Variants in FAM200B observed in about 807,000 individuals in gnomAD.
The protein encoded by FAM200B is zinc finger BED-type containing 11.
FAM200B carries 32 observed loss-of-function variants against 33.1 expected under a neutral mutation model. That is an observed-to-expected ratio of 0.97 (90% CI 0.73 to 1.30). FAM200B has a LOEUF of 1.30. FAM200B is among the 50% of genes most tolerant of loss of function. The pLI, the probability that FAM200B is intolerant of heterozygous loss-of-function variation, is 0.00. For synonymous variants in FAM200B, 240 were observed against 264.8 expected (o/e 0.91, Z 0.91); for missense variants, 741 against 754.0 (o/e 0.98, Z 0.20).
In FAM200B at chr4:15,689,044, A is replaced by G. The variant is rs1719171224; in HGVS notation, c.*93A>G. Reference sequence around the variant, plus strand: ...TTAAATGGTACTATAATACTGTGATACTTTTGTTATGTTTTAATTTTTGTT... The same window carrying G: ...TTAAATGGTACTATAATACTGTGATGCTTTTGTTATGTTTTAATTTTTGTT... On this transcript the variant is annotated 3_prime_UTR_variant, in exon 2 of 2. Transcript: ENST00000422728. 5.4e-6 allele frequency: 5 copies of G among 923,366 alleles called. No individual in the cohort carries two copies. Among genetic ancestry groups the G allele is most frequent in the South Asian group, 4.6e-5 (1 of 21,976 alleles). 57.2% of individuals were successfully genotyped at this position (923,366 alleles called of 1,614,324 possible).
chr4:15,652,343 C>G, the FAM200B span, among the ~76,000 whole-genome samples: 2 of 152,180 alleles, frequency 1.3e-5, no homozygotes, highest in African/African-American at 4.8e-5. Flanking sequence ...GGGTTTCCAT[C>G]TGAATCTACC....
chr4:15,683,408 GAGTAAACCC>G (rs1718534444), intron 1 of FAM200B, among the ~76,000 whole-genome samples: 1 of 152,122 alleles, frequency 6.6e-6, no homozygotes, highest in East Asian at 1.9e-4. Flanking sequence ...TTAGGAGGGA[GAGTAAACCC>G]TTTAAAAATA....
the FAM200B span, among the ~76,000 whole-genome samples, chr4:15,653,772 T>TA: frequency 6.6e-6 from 1 of 152,222 alleles, no homozygotes. Flanking sequence ...CTTAATGGCT[T>TA]AACCATTCCT....
the FAM200B span, among the ~76,000 whole-genome samples, chr4:15,640,625 G>GT: frequency 3.0e-4 from 43 of 144,990 alleles, no homozygotes; most frequent in Admixed American, 4.1e-4. Flanking sequence ...CAAAACAAAC[G>GT]TTTTTTTTTT....
Position 15,687,943 on chromosome 4 carries a change from G to A in FAM200B, c.966G>A (p.Val322=). Residue 322 remains valine, a synonymous_variant, in exon 2 of 2, where the codon GTG becomes GTA. Coordinates refer to ENST00000422728, the MANE Select transcript of FAM200B (RefSeq NM_001145191.2). ...TAGAAGTTACTAATAATGGTGCTGT[G>A]TGGAATCATTGTTTTATACATCGTG... The part of the protein sequence containing the change: ...KLLEVTNNGA[V]WNHCFIHREG... 1.3e-6 allele frequency: 2 copies of A among 1,551,112 alleles called. No homozygotes were observed. Among genetic ancestry groups the A allele is most frequent in the South Asian group, 1.2e-5 (1 of 84,048 alleles).
At chr4:15,685,155 A>T (rs970162402) in intron 1 of FAM200B, among the ~76,000 whole-genome samples, 3 of 152,236 alleles carry the variant, frequency 2.0e-5, no homozygotes, top group Admixed American at 6.5e-5. Context: ...ATAGTGTTTT[A>T]AAATGTACCC....
the FAM200B span, chr4:15,656,419 G>C: frequency 1.5e-5 from 6 of 397,554 alleles, no homozygotes; most frequent in Non-Finnish European, 3.0e-5. Flanking sequence ...TTAATGGCCA[G>C]AACCTCCAGG....
the FAM200B span, among the ~76,000 whole-genome samples, chr4:15,638,294 G>C: frequency 6.6e-6 from 1 of 152,142 alleles, no homozygotes; most frequent in Non-Finnish European, 1.5e-5. Context: ...CACTGAATAT[G>C]TCCCAAGTAT....
chr4:15,655,302 C>G, the FAM200B span: 4 of 1,393,554 alleles, frequency 2.9e-6, no homozygotes, highest in Admixed American at 6.9e-5. Context: ...ACTGCCTCAG[C>G]CTCCGCCTCA....
chr4:15,674,350 A>G, the FAM200B span, among the ~76,000 whole-genome samples: 1 of 152,190 alleles, frequency 6.6e-6, no homozygotes, highest in Non-Finnish European at 1.5e-5. Flanking sequence ...ACAAAGAAAC[A>G]GAGTTAACAC....
chr4:15,661,603 AAAT>A, the FAM200B span, among the ~76,000 whole-genome samples: 1 of 152,220 alleles, frequency 6.6e-6, no homozygotes, highest in Non-Finnish European at 1.5e-5. Flanking sequence ...AGAAAATAGA[AAAT>A]AACAGTGCCT....
At position 15,687,864 on chromosome 4, in the gene FAM200B, G is replaced by C. The variant is rs1277019565; in HGVS notation, c.887G>C (p.Ser296Thr). ...TGGAAAAACTGTAAAGGAATTACAA[G>C]TGATGGCACAGCAACCATGACTGGA... is the stretch of plus-strand genomic sequence containing the variant. ...LNWKNCKGIT[S>T]DGTATMTGKH... Residue 296 changes from serine to threonine, a missense_variant, in exon 2 of 2, where the codon AGT becomes ACT. Physicochemically the swap from Ser to Thr is moderately conservative, Grantham distance 58. Transcript: ENST00000422728. The C allele has an allele frequency of 1.3e-6, 2 of 1,551,232 alleles. No homozygotes were observed. The highest frequency in any genetic ancestry group is 2.7e-5 in the African/African-American group (2 of 73,030).
At chr4:15,642,527 T>C in the FAM200B span, among the ~76,000 whole-genome samples, 2 of 152,150 alleles carry the variant, frequency 1.3e-5, no homozygotes, top group Non-Finnish European at 2.9e-5. Context: ...TGAGCCACCA[T>C]GCCCAGCCTA....
At chr4:15,653,658 CCTG>C in the FAM200B span, among the ~76,000 whole-genome samples, 1 of 150,276 alleles carries the variant, frequency 6.7e-6, no homozygotes, top group Non-Finnish European at 1.5e-5. Context: ...TTTTTTCTTT[CCTG>C]CTATTAAAGA....
At chr4:15,648,434 A>G in the FAM200B span, among the ~76,000 whole-genome samples, 276 of 152,332 alleles carry the variant, frequency 1.8e-3, no homozygotes, top group Non-Finnish European at 2.8e-3. Flanking sequence ...CTGCACTCCC[A>G]TGTTCAATGC....
At chr4:15,673,231 C>G in the FAM200B span, among the ~76,000 whole-genome samples, 1 of 152,062 alleles carries the variant, frequency 6.6e-6, no homozygotes, top group Non-Finnish European at 1.5e-5. Context: ...CTTGAGCCCA[C>G]AAGTTTGAAA....
the FAM200B span, among the ~76,000 whole-genome samples, chr4:15,667,396 T>C: frequency 6.6e-6 from 1 of 152,198 alleles, no homozygotes; most frequent in Non-Finnish European, 1.5e-5. Context: ...TACCCTCTTA[T>C]TTGACATGTA....
At chr4:15,646,287 T>C in the FAM200B span, among the ~76,000 whole-genome samples, 1 of 152,136 alleles carries the variant, frequency 6.6e-6, no homozygotes, top group Non-Finnish European at 1.5e-5. Flanking sequence ...TCCAACTATT[T>C]AAAAATGTAA....
chr4:15,688,608 G>C lies in FAM200B; in HGVS notation c.1631G>C (p.Arg544Pro). 1.3e-6 allele frequency: 2 copies of C among 1,551,256 alleles called. No individual in the cohort carries two copies. Among genetic ancestry groups the C allele is most frequent in the Non-Finnish European group, 1.7e-6 (2 of 1,146,724 alleles). ...TGGGTAAAAGATCCATTTGCTTTTC[G>C]ACACCCTGAATCAATAATTGAGCTA... is the stretch of plus-strand genomic sequence containing the variant. ...NSWVKDPFAF[R>P]HPESIIELNL... is the part of the protein sequence containing the mutation. The change falls in exon 2 of 2, where the codon CGA becomes CCA. Residue 544 changes from arginine (R) to proline (P), a missense_variant. Coordinates refer to ENST00000422728, the MANE Select transcript of FAM200B (RefSeq NM_001145191.2).
Sources: gnomAD v4.1 joint callset for allele counts (sites outside exome capture counted in the v4.1 genomes callset) on GRCh38, gnomAD v4.1.1 for gene constraint, MANE v1.5 for transcripts, NCBI Gene and HGNC (gene_info 2026-07-23, HGNC 2026-07-21) for gene names.